Variants in STOML3 observed in about 807,000 individuals in gnomAD.
STOML3 encodes stomatin-like protein 3.
In STOML3, 31 loss-of-function variants were observed where a neutral mutation model predicts 29.5. The observed-to-expected ratio is 1.05, with a 90% CI of 0.79 to 1.42. The LOEUF (loss-of-function observed/expected upper bound fraction) is 1.42, where lower values mean the gene tolerates loss of function less well. Among genes scored for constraint, STOML3 ranks in the 40% most tolerant of loss-of-function variants. STOML3 has a pLI of 0.00. For synonymous variants in STOML3, 122 were observed against 139.8 expected (o/e 0.87, Z 0.90); for missense variants, 380 against 363.0 (o/e 1.05, Z -0.38).
chr13:38,973,096 TAAAAAAAAAAAAAA>T (rs71074495), intron 3 of STOML3, among the ~76,000 whole-genome samples: 17 of 32,572 alleles, frequency 5.2e-4, no homozygotes, highest in Admixed American at 4.5e-3. Context: ...CCGTCTCTAC[TAAAAAAAAAAAAAA>T]AAAAAAAAAA....
chr13:38,984,894 A>G (rs1014574850), intron 1 of STOML3, among the ~76,000 whole-genome samples: 1 of 152,162 alleles, frequency 6.6e-6, no homozygotes, highest in Non-Finnish European at 1.5e-5. Flanking sequence ...TGCTTCACAG[A>G]GGATGCTGAA....
At chr13:38,987,790 A>G (rs1307849916) in intron 1 of STOML3, among the ~76,000 whole-genome samples, 2 of 111,892 alleles carry the variant, frequency 1.8e-5, no homozygotes, top group East Asian at 4.8e-4. Flanking sequence ...TGTATATATT[A>G]TATATTATAT....
intron 1 of STOML3, among the ~76,000 whole-genome samples, chr13:38,983,481 C>A (rs749598476): frequency 4.0e-4 from 61 of 152,002 alleles, no homozygotes; most frequent in Admixed American, 1.2e-3. Context: ...TGTTCTGGTC[C>A]ATCTAGATAA....
At position 38,967,045 on chromosome 13, in the gene STOML3, A is replaced by C. The variant is rs750109491; in HGVS notation, c.656T>G (p.Leu219Arg). 2.5e-6 allele frequency: 4 copies of C among 1,612,782 alleles called. No homozygotes were observed. Among genetic ancestry groups the C allele is most frequent in the Non-Finnish European group, 3.4e-6 (4 of 1,179,428 alleles). Residue 219 changes from leucine (L) to arginine (R), a missense_variant, in exon 7 of 7, where the codon CTT (leucine) becomes CGT (arginine). Coordinates refer to ENST00000379631, the MANE Select transcript of STOML3 (RefSeq NM_145286.3). ...EATREARAKV[L>R]AAEGEMNASK... ...AGCATTCATTTCTCCTTCAGCTGCA[A>C]GGACCTGAAATGACAGAAATAAAAT...
chr13:38,972,403 G>T, intron 4 of STOML3, 109 bp downstream of exon 4: 2 of 1,060,726 alleles, frequency 1.9e-6, no homozygotes, highest in Non-Finnish European at 2.8e-6. Context: ...CGGGTACTCA[G>T]CTCATCTTCC....
At chr13:38,987,736 T>C (rs1046317208) in intron 1 of STOML3, among the ~76,000 whole-genome samples, 3 of 125,774 alleles carry the variant, frequency 2.4e-5, no homozygotes, top group African/African-American at 9.1e-5. Flanking sequence ...TAACTAAATA[T>C]ATATAAAATA....
chr13:38,988,075 ATATATTTTATATATAATATGT>A (rs1868704406), intron 1 of STOML3, among the ~76,000 whole-genome samples: 1 of 108,650 alleles, frequency 9.2e-6, no homozygotes. Context: ...ATTTTATATC[ATATATTTTATATATAATATGT>A]TATATTTTAT....
chr13:38,983,312 G>C (rs1231175660), intron 1 of STOML3, among the ~76,000 whole-genome samples: 1 of 152,196 alleles, frequency 6.6e-6, no homozygotes, highest in African/African-American at 2.4e-5. Flanking sequence ...GTTGAGCTCA[G>C]ACTGAGTTCT....
rs759835442 is a variant in STOML3 at position 38,976,607 on chromosome 13, A to G, written c.162T>C (p.Ile54=). Residue 54 remains isoleucine (I), a synonymous_variant, in exon 3 of 7, where the codon ATT becomes ATC. Coordinates refer to ENST00000379631, the MANE Select transcript of STOML3 (RefSeq NM_145286.3). ...PISIWMCLKI[I]KEYERAVVFR... The stretch of plus-strand genomic sequence containing the variant: ...ATACAACAGCACGTTCATACTCCTT[A>G]ATGATCTAGGAGATTAAGGGCGAAC... 5 of 1,614,088 alleles carry G rather than the reference A, an allele frequency of 3.1e-6. No homozygotes were observed. The highest frequency in any genetic ancestry group is 4.2e-6 in the Non-Finnish European group (5 of 1,180,000).
In STOML3 at chr13:38,976,690, T is replaced by C. The variant is rs1184121765; in HGVS notation, c.156+4A>G. ...ATAGCCCAGTTTATTTCCCAGGGTG[T>C]TACCTTCAAGCACATCCATATGGAG... On this transcript the variant is annotated splice_donor_region_variant and intron_variant, in intron 2 of 6. Coordinates refer to ENST00000379631, the MANE Select transcript of STOML3 (RefSeq NM_145286.3). 7 of 1,613,984 alleles carry C rather than the reference T, an allele frequency of 4.3e-6. No homozygotes were observed. Among genetic ancestry groups the C allele is most frequent in the Non-Finnish European group, 5.9e-6 (7 of 1,179,928 alleles).
At chr13:38,989,984 C>T (rs1354157882) in intron 1 of STOML3, among the ~76,000 whole-genome samples, 2 of 152,032 alleles carry the variant, frequency 1.3e-5, no homozygotes, top group African/African-American at 2.4e-5. Flanking sequence ...ACTTTTTAAA[C>T]TTTCCAATGC....
intron 3 of STOML3, among the ~76,000 whole-genome samples, chr13:38,976,134 G>C (rs548376010): frequency 6.6e-6 from 1 of 152,304 alleles, no homozygotes; most frequent in East Asian, 1.9e-4. Context: ...CCTTTTCAAA[G>C]AGTGAGCATC....
At chr13:38,980,137 T>C (rs1381885366) in intron 1 of STOML3, 1 of 1,551,288 alleles carries the variant, frequency 6.4e-7, no homozygotes, top group Non-Finnish European at 8.7e-7. Flanking sequence ...ATAGACGTGC[T>C]GAGAGAGACA....
At chr13:38,975,636 G>T (rs1047161995) in intron 3 of STOML3, among the ~76,000 whole-genome samples, 2 of 152,114 alleles carry the variant, frequency 1.3e-5, no homozygotes, top group Non-Finnish European at 2.9e-5. Context: ...CATTTCCAGA[G>T]TATTAGAATT....
At chr13:38,967,152 G>A in intron 6 of STOML3, 103 bp from the exon 7 acceptor site, 1 of 987,892 alleles carries the variant, frequency 1.0e-6, no homozygotes, top group South Asian at 1.7e-5. Flanking sequence ...CAGCCCCCAT[G>A]TTGCCACATG....
At chr13:38,973,103 A>C (rs12853246) in intron 3 of STOML3, among the ~76,000 whole-genome samples, 2,757 of 116,708 alleles carry the variant, frequency 0.024, 109 homozygotes, top group South Asian at 0.042. Context: ...TACTAAAAAA[A>C]AAAAAAAAAA....
At chr13:38,971,041 T>TC (rs1204841045) in intron 4 of STOML3, among the ~76,000 whole-genome samples, 2 of 151,974 alleles carry the variant, frequency 1.3e-5, no homozygotes, top group Non-Finnish European at 2.9e-5. Context: ...ATTCTTTCTT[T>TC]TTTTTTTTTG....
intron 6 of STOML3, among the ~76,000 whole-genome samples, chr13:38,967,549 C>T (rs1335411169): frequency 2.0e-5 from 3 of 152,276 alleles, no homozygotes; most frequent in Middle Eastern, 3.4e-3. Flanking sequence ...GCAATAAGTG[C>T]CAGCCTTGTA....
intron 6 of STOML3, among the ~76,000 whole-genome samples, chr13:38,967,301 T>C (rs1215880984): frequency 6.6e-6 from 1 of 152,122 alleles, no homozygotes; most frequent in Admixed American, 6.5e-5. Flanking sequence ...AAAATAAAAG[T>C]ACTCTCTTGA....
Sources: gnomAD v4.1 joint callset for allele counts (sites outside exome capture counted in the v4.1 genomes callset) on GRCh38, gnomAD v4.1.1 for gene constraint, MANE v1.5 for transcripts, NCBI Gene and HGNC (gene_info 2026-07-23, HGNC 2026-07-21) for gene names.